Variants in RUNDC3B observed in about 807,000 individuals in gnomAD.
The protein encoded by RUNDC3B is RUN domain-containing protein 3B.
Under a neutral mutation model 58.4 loss-of-function variants are expected in RUNDC3B, and 33 were observed. That is an observed-to-expected ratio of 0.56 (90% CI 0.43 to 0.75). The LOEUF (loss-of-function observed/expected upper bound fraction) is 0.75. Ranked by LOEUF, RUNDC3B falls within the 30% of genes least tolerant of loss-of-function variation. The pLI is 0.00. For missense variants in RUNDC3B, 501 were observed against 535.7 expected (o/e 0.94, Z 0.64); for synonymous variants, 193 against 195.2 (o/e 0.99, Z 0.10).
chr7:87,628,971 C>G lies in RUNDC3B; in HGVS notation c.122+26C>G, dbSNP rs767937080. 8 of 1,306,852 alleles carry G rather than the reference C, an allele frequency of 6.1e-6. No homozygotes were observed. In the South Asian group the frequency reaches 2.6e-4, roughly 43 times the overall value. The allele number at this position is 1,306,852 out of a possible 1,614,324, so 81.0% of individuals were successfully genotyped here. Reference sequence around the variant, plus strand: ...GTACGGCAGCGCAGGGCGAGGGGAACCAGCCTCCCGCCGGGGCTGAGAGCT... The same window carrying G: ...GTACGGCAGCGCAGGGCGAGGGGAAGCAGCCTCCCGCCGGGGCTGAGAGCT... On this transcript the variant is annotated intron_variant, in intron 1 of 10. Transcript: ENST00000394654.
chr7:87,811,440 T>C (rs928087233), intron 9 of RUNDC3B, among the ~76,000 whole-genome samples: 2 of 152,066 alleles, frequency 1.3e-5, no homozygotes, highest in African/African-American at 4.8e-5. Context: ...TTGAAGTGAT[T>C]CTCCTGCCTC....
intron 6 of RUNDC3B, among the ~76,000 whole-genome samples, chr7:87,756,767 G>A (rs1833398862): frequency 6.6e-6 from 1 of 151,550 alleles, no homozygotes; most frequent in Non-Finnish European, 1.5e-5. Context: ...TTCCTTTCTT[G>A]GTGCATAAAG....
intron 3 of RUNDC3B, chr7:87,709,510 A>G: frequency 2.0e-6 from 2 of 985,416 alleles, no homozygotes; most frequent in Non-Finnish European, 2.4e-6. Context: ...TGAGCTTGGT[A>G]GGTAAATTGA....
chr7:87,706,707 G>A (rs191856594), intron 3 of RUNDC3B, among the ~76,000 whole-genome samples: 112 of 152,236 alleles, frequency 7.4e-4, no homozygotes, highest in Admixed American at 2.2e-3. Flanking sequence ...TTGTGGAGGT[G>A]GAGATTTTTA....
chr7:87,728,486 T>C (rs553578585), intron 4 of RUNDC3B, among the ~76,000 whole-genome samples: 1 of 152,310 alleles, frequency 6.6e-6, no homozygotes, highest in South Asian at 2.1e-4. Context: ...GCAGTTCCTC[T>C]TGAGATTCTA....
chr7:87,774,049 C>T (rs1171727689), intron 7 of RUNDC3B, among the ~76,000 whole-genome samples: 2 of 152,046 alleles, frequency 1.3e-5, no homozygotes, highest in African/African-American at 2.4e-5. Context: ...ACAATATTAT[C>T]ATTTTAGTAT....
At position 87,730,929 on chromosome 7, in the gene RUNDC3B, T is replaced by C. The variant is rs1388048281; in HGVS notation, c.459-8862T>C. ...AAAGAACAAGAGTTTCCACCTGATA[T>C]CCCAGGACATTTTCCCATATCTTAC... On this transcript the variant is annotated intron_variant, in intron 4 of 10. Transcript: ENST00000394654. 4.6e-5 allele frequency among the ~76,000 whole-genome samples: 7 copies of C among 152,074 alleles called. No homozygotes were observed. In the East Asian group the frequency reaches 1.4e-3, roughly 30 times the overall value.
chr7:87,803,089 A>C (rs1037775863), intron 8 of RUNDC3B, among the ~76,000 whole-genome samples: 3 of 152,218 alleles, frequency 2.0e-5, no homozygotes, highest in Non-Finnish European at 4.4e-5. Context: ...ATTTATACAT[A>C]GTTATGAATT....
At chr7:87,654,727 G>T (rs955850460) in intron 2 of RUNDC3B, among the ~76,000 whole-genome samples, 5 of 151,838 alleles carry the variant, frequency 3.3e-5, no homozygotes, top group African/African-American at 7.3e-5. Flanking sequence ...TAAACAAGTG[G>T]AATTACATCA....
chr7:87,729,608 G>A (rs543332715), intron 4 of RUNDC3B, among the ~76,000 whole-genome samples: 1 of 152,316 alleles, frequency 6.6e-6, no homozygotes, highest in African/African-American at 2.4e-5. Context: ...ATGGGCTAAA[G>A]TTCTTGGGGG....
Position 87,702,060 on chromosome 7 carries a change from G to A in RUNDC3B, c.372+1506G>A, listed in dbSNP as rs372025902. Among the ~76,000 whole-genome samples, 239 of 142,274 alleles carry A rather than the reference G, an allele frequency of 1.7e-3. 1 individual carries two copies. The highest frequency in any genetic ancestry group is 0.013 in the South Asian group (56 of 4,344). The allele number at this position is 142,274 out of a possible 152,430, so 93.3% of individuals were successfully genotyped here. ...TGGGAGGCTGAGGCAGGAGAATGGCGTGAACCCAGGAGGCGGAGCTTGCAG... is the reference window on the plus strand; with the variant it reads ...TGGGAGGCTGAGGCAGGAGAATGGCATGAACCCAGGAGGCGGAGCTTGCAG... On this transcript the variant is annotated intron_variant, in intron 3 of 10. Transcript: ENST00000394654.
At chr7:87,661,583 T>G (rs149814990) in intron 2 of RUNDC3B, among the ~76,000 whole-genome samples, 2 of 152,080 alleles carry the variant, frequency 1.3e-5, no homozygotes, top group Admixed American at 1.3e-4. Context: ...ATCCGTGTTT[T>G]TGCAAATGAT....
At chr7:87,762,736 A>G (rs2130856543) in intron 6 of RUNDC3B, among the ~76,000 whole-genome samples, 1 of 151,660 alleles carries the variant, frequency 6.6e-6, no homozygotes, top group South Asian at 2.1e-4. Context: ...GTAAGATGTC[A>G]TCAATTACAA....
chr7:87,677,583 G>C (rs1826504090), intron 2 of RUNDC3B, among the ~76,000 whole-genome samples: 1 of 152,092 alleles, frequency 6.6e-6, no homozygotes, highest in South Asian at 2.1e-4. Flanking sequence ...AGATGATTAA[G>C]TGCTGGAGAC....
intron 4 of RUNDC3B, among the ~76,000 whole-genome samples, chr7:87,715,440 A>C (rs1342693320): frequency 6.2e-5 from 8 of 128,636 alleles, no homozygotes; most frequent in Non-Finnish European, 1.1e-4. Context: ...AATTATATTA[A>C]TATAATATAT....
At chr7:87,736,363 T>C (rs1287093656) in intron 4 of RUNDC3B, among the ~76,000 whole-genome samples, 1 of 152,176 alleles carries the variant, frequency 6.6e-6, no homozygotes, top group Admixed American at 6.5e-5. Flanking sequence ...ATATTTGTTA[T>C]TGAACTACTT....
chr7:87,762,371 T>A (rs1251959233), intron 6 of RUNDC3B, among the ~76,000 whole-genome samples: 1 of 151,520 alleles, frequency 6.6e-6, no homozygotes, highest in Non-Finnish European at 1.5e-5. Context: ...TTTTAAATGC[T>A]TTGTTTACAG....
intron 2 of RUNDC3B, among the ~76,000 whole-genome samples, chr7:87,671,493 G>A (rs1486798526): frequency 6.6e-6 from 1 of 152,110 alleles, no homozygotes; most frequent in Non-Finnish European, 1.5e-5. Context: ...GGCTGCTGTG[G>A]TATGTTTGCT....
At chr7:87,774,042 A>G (rs1460009643) in intron 7 of RUNDC3B, among the ~76,000 whole-genome samples, 3 of 152,154 alleles carry the variant, frequency 2.0e-5, no homozygotes, top group Non-Finnish European at 4.4e-5. Context: ...AAATGATACA[A>G]TATTATCATT....
Sources: allele counts gnomAD v4.1 joint callset (sites outside exome capture counted in the v4.1 genomes callset), GRCh38; gene constraint gnomAD v4.1.1; transcripts MANE v1.5; gene names NCBI Gene and HGNC (gene_info 2026-07-23, HGNC 2026-07-21).